GAK: variants seen among roughly 807,000 people sequenced by gnomAD.
The protein encoded by GAK is cyclin G associated kinase.
In GAK, 79 loss-of-function variants were observed where a neutral mutation model predicts 143.9. The observed-to-expected ratio is 0.55, with a 90% CI of 0.46 to 0.66. The LOEUF is 0.66. Ranked by LOEUF, GAK falls within the 30% of genes least tolerant of loss-of-function variation. The pLI, the probability that GAK is intolerant of heterozygous loss-of-function variation, is 0.00. For missense variants in GAK, 1,693 were observed against 1,779.7 expected (o/e 0.95, Z 0.88); for synonymous variants, 881 against 765.5 (o/e 1.15, Z -2.49).
In GAK at chr4:892,835, G is replaced by A. The variant is rs138193924; in HGVS notation, c.990+542C>T. Reference sequence around the variant, plus strand: ...TGTCAGGGGAAGAATCTAGAAAGGCGCCTGCAAACCTCAAGGAGGCCAGAG... The same window carrying A: ...TGTCAGGGGAAGAATCTAGAAAGGCACCTGCAAACCTCAAGGAGGCCAGAG... On this transcript the variant is annotated intron_variant, in intron 9 of 27. Transcript: ENST00000314167. Among the ~76,000 whole-genome samples the A allele has an allele frequency of 7.9e-5, 12 of 152,342 alleles. No individual in the cohort carries two copies. In the East Asian group the frequency reaches 1.3e-3, roughly 17 times the overall value.
Position 850,843 on chromosome 4 carries a change from C to T in GAK, c.3657+93G>A. 8 of 1,404,510 alleles carry T rather than the reference C, an allele frequency of 5.7e-6. No homozygotes were observed. In the South Asian group the frequency reaches 1.1e-4, roughly 19 times the overall value. The allele number at this position is 1,404,510 out of a possible 1,614,324, so 87.0% of individuals were successfully genotyped here. Reference sequence around the variant, plus strand: ...TGCTCCAGGGGTGAAAGGTTGCTGTCTGGAGACGCCGGCTCCATAAGGCAC... The same window carrying T: ...TGCTCCAGGGGTGAAAGGTTGCTGTTTGGAGACGCCGGCTCCATAAGGCAC... On this transcript the variant is annotated intron_variant, in intron 26 of 27. Coordinates refer to ENST00000314167, the MANE Select transcript of GAK (RefSeq NM_005255.4).
At position 877,349 on chromosome 4, in the gene GAK, C is replaced by T. The variant is rs1714151857; in HGVS notation, c.1857-142G>A. Reference sequence around the variant, plus strand: ...AGAATAACCCCCATGAAGAGCCTCACAAGAATTCTAAAGTCTCCTGGGCAC... The same window carrying T: ...AGAATAACCCCCATGAAGAGCCTCATAAGAATTCTAAAGTCTCCTGGGCAC... On this transcript the variant is annotated intron_variant, in intron 16 of 27. Coordinates refer to ENST00000314167, the MANE Select transcript of GAK (RefSeq NM_005255.4). 1.0e-5 allele frequency: 7 copies of T among 681,644 alleles called. No homozygotes were observed. The Admixed American group carries it at 1.1e-4, about 10-fold the overall frequency. The allele number at this position is 681,644 out of a possible 1,614,324, so 42.2% of individuals were successfully genotyped here.
chr4:890,520 C>G lies in GAK; in HGVS notation c.1081+12G>C. 1.3e-6 allele frequency: 2 copies of G among 1,596,874 alleles called. No homozygotes were observed. Among genetic ancestry groups the G allele is most frequent in the Non-Finnish European group, 8.5e-7 (1 of 1,170,636 alleles). The stretch of plus-strand genomic sequence containing the variant: ...CGAGGGACAGGTGGCGGGCACAGGA[C>G]AGGGCACTCACCTCCACTGTAGCCA... On this transcript the variant is annotated intron_variant, in intron 10 of 27. Transcript: ENST00000314167.
At chr4:923,236 G>A (rs1239907168) in intron 1 of GAK, among the ~76,000 whole-genome samples, 3 of 152,206 alleles carry the variant, frequency 2.0e-5, no homozygotes, top group Non-Finnish European at 2.9e-5. Flanking sequence ...TCTCACAGCC[G>A]CGTGGGAACC....
At position 905,563 on chromosome 4, in the gene GAK, ATGCTACGGACTT is replaced by A. The variant is rs1354196592; in HGVS notation, c.383-796_383-785del. On this transcript the variant is annotated intron_variant, in intron 4 of 27. Transcript: ENST00000314167. Reference sequence around the variant, plus strand: ...TACGGACTCCGCCACGCCCCAGGCCATGCTACGGACTTCGCCACGCCCCAGGCCACGTTACGG... The same window carrying A: ...TACGGACTCCGCCACGCCCCAGGCCACGCCACGCCCCAGGCCACGTTACGG... 2.1e-5 allele frequency among the ~76,000 whole-genome samples: 3 copies of A among 145,766 alleles called. No individual in the cohort carries two copies. In the East Asian group the frequency reaches 6.2e-4, roughly 30 times the overall value.
At chr4:875,005 T>C (rs1202208266) in intron 18 of GAK, among the ~76,000 whole-genome samples, 2 of 152,214 alleles carry the variant, frequency 1.3e-5, no homozygotes, top group African/African-American at 4.8e-5. Flanking sequence ...TATTTTTCAG[T>C]TCTAGAATTC....
intron 15 of GAK, among the ~76,000 whole-genome samples, chr4:879,800 C>T (rs957201545): frequency 6.6e-6 from 1 of 152,182 alleles, no homozygotes; most frequent in African/African-American, 2.4e-5. Flanking sequence ...GTGTGTGTGC[C>T]CCTGCCTGAG....
In GAK at chr4:851,176, C is replaced by T; in HGVS notation, c.3509-92G>A. 14 of 1,125,044 alleles carry T rather than the reference C, an allele frequency of 1.2e-5. No homozygotes were observed. In the South Asian group the frequency reaches 1.3e-4, roughly 11 times the overall value. The allele number at this position is 1,125,044 out of a possible 1,614,324, so 69.7% of individuals were successfully genotyped here. A position where few individuals can be genotyped will look rare whatever the true frequency, so the allele number is the denominator to read the frequency against. ...GCAATGGCGTGATCTCAGCTCTCTGCAGCCTTTGCCTCCCGGCCTCAAGCG... is the reference window on the plus strand; with the variant it reads ...GCAATGGCGTGATCTCAGCTCTCTGTAGCCTTTGCCTCCCGGCCTCAAGCG... On this transcript the variant is annotated intron_variant, in intron 25 of 27. Coordinates refer to ENST00000314167, the MANE Select transcript of GAK (RefSeq NM_005255.4).
Position 870,850 on chromosome 4 carries a change from C to A in GAK, c.2109G>T (p.Val703=), listed in dbSNP as rs935333838. Residue 703 remains valine (V), a synonymous_variant, in exon 19 of 28, where the codon GTG becomes GTT. Transcript: ENST00000314167. ...TGGGCTCCACCTCCACTTCCAGGTTCACTTGAAATAAATCCGGGTATTTTT... is the reference window on the plus strand; with the variant it reads ...TGGGCTCCACCTCCACTTCCAGGTTAACTTGAAATAAATCCGGGTATTTTT... ...IQEKYPDLFQ[V]NLEVEVEPRD... is the part of the protein sequence containing the mutation. 3 of 1,614,068 alleles carry A rather than the reference C, an allele frequency of 1.9e-6. No individual in the cohort carries two copies. Among genetic ancestry groups the A allele is most frequent in the Non-Finnish European group, 1.7e-6 (2 of 1,179,974 alleles).
intron 1 of GAK, 152 bp from the exon 2 acceptor site, chr4:913,820 C>T (rs879009924): frequency 1.5e-5 from 9 of 617,540 alleles, no homozygotes; most frequent in Non-Finnish European, 2.3e-5. Context: ...ACACGCCCCC[C>T]GCAAACACAG....
chr4:929,374 T>C (rs1218864601), intron 1 of GAK, among the ~76,000 whole-genome samples: 2 of 152,150 alleles, frequency 1.3e-5, no homozygotes, highest in Non-Finnish European at 2.9e-5. Flanking sequence ...CCTCAATTTA[T>C]CTCACTAGCA....
At chr4:906,815 C>T (rs951945294) in intron 4 of GAK, among the ~76,000 whole-genome samples, 11 of 152,328 alleles carry the variant, frequency 7.2e-5, no homozygotes, top group African/African-American at 2.2e-4. Context: ...GGGTCTCCCC[C>T]ACGCTGCCAG....
intron 19 of GAK, chr4:869,250 G>A (rs1438696320): frequency 4.8e-5 from 7 of 145,104 alleles, no homozygotes; most frequent in Non-Finnish European, 1.0e-4. Context: ...ACACACAGAT[G>A]CAGGGTACAC....
rs1043027405 is a variant in GAK, at chr4:849,468, G to C, written c.*205C>G. On this transcript the variant is annotated 3_prime_UTR_variant, in exon 28 of 28. Coordinates refer to ENST00000314167, the MANE Select transcript of GAK (RefSeq NM_005255.4). Reference sequence around the variant, plus strand: ...GGAGCATGAATCAGCTGTTCCTTCGGGAGGAGAAAAAGGAAACAACAATCA... The same window carrying C: ...GGAGCATGAATCAGCTGTTCCTTCGCGAGGAGAAAAAGGAAACAACAATCA... 1 of 576,524 alleles carries C rather than the reference G, an allele frequency of 1.7e-6. No homozygotes were observed. The highest frequency in any genetic ancestry group is 3.1e-6 in the Non-Finnish European group (1 of 319,998). 35.7% of individuals were successfully genotyped at this position (576,524 alleles called of 1,614,324 possible).
Position 868,617 on chromosome 4 carries a change from C to T in GAK, c.2317G>A (p.Ala773Thr). 6.3e-7 allele frequency: 1 copy of T among 1,584,766 alleles called. No individual in the cohort carries two copies. The highest frequency in any genetic ancestry group is 8.6e-7 in the Non-Finnish European group (1 of 1,166,080). ...QYDAGAGSPEAEPTDSDSPPS... is the reference protein window; with the variant it reads ...QYDAGAGSPETEPTDSDSPPS... ...GGTGAGTCAGAGTCTGTGGGTTCGG[C>T]TTCCGGGGACCCTGCCCCAGCATCA... Residue 773 changes from alanine to threonine, a missense_variant, in exon 20 of 28, where the codon GCC (alanine) becomes ACC (threonine). This residue lies in a region of GAK where 822 missense variants were observed against 788.7 expected (regional missense o/e 1.04). Transcript: ENST00000314167.
In GAK at chr4:896,949, G is replaced by A. The variant is rs369290160; in HGVS notation, c.652-400C>T. Among the ~76,000 whole-genome samples, 314 of 152,372 alleles carry A rather than the reference G, an allele frequency of 2.1e-3. 12 individuals are homozygous for A. In the South Asian group the frequency reaches 0.059, roughly 29 times the overall value. On this transcript the variant is annotated intron_variant, in intron 6 of 27. Coordinates refer to ENST00000314167, the MANE Select transcript of GAK (RefSeq NM_005255.4). ...TGTGACACCCAGAACCCCAGGGTACGTGAGGGTATCTGGGAGGAGGAAGCC... is the reference window on the plus strand; with the variant it reads ...TGTGACACCCAGAACCCCAGGGTACATGAGGGTATCTGGGAGGAGGAAGCC...
At chr4:912,251 T>C in intron 3 of GAK, 1 of 438,284 alleles carries the variant, frequency 2.3e-6, no homozygotes, top group Non-Finnish European at 4.7e-6. Context: ...CATGTGGCAG[T>C]GGACAGGGAG....
chr4:851,091 A>C lies in GAK; in HGVS notation c.3509-7T>G, dbSNP rs757306171. 2.4e-5 allele frequency: 39 copies of C among 1,612,204 alleles called. No individual in the cohort carries two copies. The highest frequency in any genetic ancestry group is 3.0e-5 in the Non-Finnish European group (35 of 1,179,152). ...GAGACTTTTGGCTTTTGAGCTAGAA[A>C]AGAACAGAAACTTTTTTTTGTTTGA... On this transcript the variant is annotated splice_polypyrimidine_tract_variant and splice_region_variant and intron_variant, in intron 25 of 27. Transcript: ENST00000314167.
At chr4:926,121 C>T (rs1193193410) in intron 1 of GAK, among the ~76,000 whole-genome samples, 1 of 151,770 alleles carries the variant, frequency 6.6e-6, no homozygotes, top group Non-Finnish European at 1.5e-5. Context: ...CCTCCCTGGA[C>T]AGTGACCTCC....
Sources: gnomAD v4.1 joint callset for allele counts (sites outside exome capture counted in the v4.1 genomes callset) on GRCh38, gnomAD v4.1.1 for gene constraint, gnomAD v4.1.1 regional missense constraint, MANE v1.5 for transcripts, NCBI Gene and HGNC (gene_info 2026-07-23, HGNC 2026-07-21) for gene names.